Variants in KCNC2 observed in about 807,000 individuals in gnomAD.
KCNC2 encodes voltage-gated potassium channel KCNC2.
KCNC2 carries 21 observed loss-of-function variants against 44.5 expected under a neutral mutation model. The ratio of observed to expected loss-of-function variants is 0.47; its 90% confidence interval spans 0.33 to 0.68. KCNC2 has a LOEUF of 0.68. Among genes scored for constraint, KCNC2 ranks in the 30% least tolerant of loss-of-function variants. The probability of loss-of-function intolerance (pLI) is 0.01; values close to 1 mark genes in which losing one functional copy is unlikely to be tolerated. For missense variants in KCNC2, 589 were observed against 826.2 expected, an observed-to-expected ratio of 0.71 and a Z score of 3.52; for synonymous variants, 391 against 339.1, an observed-to-expected ratio of 1.15 and a Z score of -1.68.
At chr12:75,056,476 T>G (rs1881758578) in intron 2 of KCNC2, among the ~76,000 whole-genome samples, 1 of 151,956 alleles carries the variant, frequency 6.6e-6, no homozygotes, top group African/African-American at 2.4e-5. Flanking sequence ...GTTGCATTAT[T>G]TTTAGTTTGT....
intron 2 of KCNC2, among the ~76,000 whole-genome samples, chr12:75,123,517 A>G (rs1888188462): frequency 6.6e-6 from 1 of 152,188 alleles, no homozygotes; most frequent in Non-Finnish European, 1.5e-5. Context: ...GCCCTATGTT[A>G]TCTTCCCTAA....
chr12:75,099,945 T>C (rs1886241069), intron 2 of KCNC2, among the ~76,000 whole-genome samples: 1 of 152,056 alleles, frequency 6.6e-6, no homozygotes, highest in South Asian at 2.1e-4. Flanking sequence ...AAACACTTGA[T>C]TAGACTAAAT....
At chr12:75,067,416 T>C (rs962359087) in intron 2 of KCNC2, among the ~76,000 whole-genome samples, 2 of 152,166 alleles carry the variant, frequency 1.3e-5, no homozygotes, top group Non-Finnish European at 2.9e-5. Flanking sequence ...TCATTGTACA[T>C]ATATTCAACC....
intron 2 of KCNC2, among the ~76,000 whole-genome samples, chr12:75,089,442 T>G (rs1033563676): frequency 6.6e-6 from 1 of 151,886 alleles, no homozygotes; most frequent in African/African-American, 2.4e-5. Context: ...ATTGGGCTCT[T>G]CTTTGAAAGA....
chr12:75,097,729 A>G (rs1357554408), intron 2 of KCNC2, among the ~76,000 whole-genome samples: 1 of 152,170 alleles, frequency 6.6e-6, no homozygotes, highest in Non-Finnish European at 1.5e-5. Context: ...AAGGACTTTG[A>G]AGACAGATAG....
chr12:75,197,081 G>T (rs2030834394), intron 2 of KCNC2, among the ~76,000 whole-genome samples: 1 of 152,046 alleles, frequency 6.6e-6, no homozygotes, highest in African/African-American at 2.4e-5. Context: ...GATCTCTGGG[G>T]TGAGACCTGA....
chr12:75,196,810 T>G (rs922691073), intron 2 of KCNC2, among the ~76,000 whole-genome samples: 3 of 151,986 alleles, frequency 2.0e-5, no homozygotes, highest in African/African-American at 7.2e-5. Context: ...AAAACAACTA[T>G]ATAACTTTAT....
intron 2 of KCNC2, among the ~76,000 whole-genome samples, chr12:75,126,865 G>A (rs1305235764): frequency 1.3e-5 from 2 of 152,050 alleles, no homozygotes; most frequent in Non-Finnish European, 1.5e-5. Flanking sequence ...GACTTCCTAG[G>A]GTTCTTAAAT....
chr12:75,146,452 T>G (rs1890034678), intron 2 of KCNC2, among the ~76,000 whole-genome samples: 1 of 152,232 alleles, frequency 6.6e-6, no homozygotes, highest in Non-Finnish European at 1.5e-5. Flanking sequence ...GATTTTGAGA[T>G]GTATACATGT....
chr12:75,182,824 C>T (rs1298351409), intron 2 of KCNC2, among the ~76,000 whole-genome samples: 1 of 152,192 alleles, frequency 6.6e-6, no homozygotes, highest in Non-Finnish European at 1.5e-5. Context: ...AACAGCCTCA[C>T]CTCACTTCAG....
chr12:75,105,031 G>A (rs1196111634), intron 2 of KCNC2, among the ~76,000 whole-genome samples: 3 of 152,102 alleles, frequency 2.0e-5, no homozygotes, highest in Non-Finnish European at 2.9e-5. Context: ...CCCTCAGAGA[G>A]GTTTTATTCT....
intron 2 of KCNC2, among the ~76,000 whole-genome samples, chr12:75,130,787 A>C (rs919857979): frequency 2.0e-5 from 3 of 151,314 alleles, no homozygotes; most frequent in South Asian, 2.1e-4. Flanking sequence ...GTAATAAAAA[A>C]AAAAAAAAAC....
At chr12:75,163,339 G>T (rs79929384) in intron 2 of KCNC2, among the ~76,000 whole-genome samples, 194 of 151,808 alleles carry the variant, frequency 1.3e-3, no homozygotes, top group African/African-American at 4.5e-3. Flanking sequence ...GGTAAAAGAG[G>T]TATTATTGTG....
At chr12:75,084,320 A>ATAGG (rs1232067621) in intron 2 of KCNC2, among the ~76,000 whole-genome samples, 1 of 151,760 alleles carries the variant, frequency 6.6e-6, no homozygotes, top group African/African-American at 2.4e-5. Flanking sequence ...AGATAGATAG[A>ATAGG]TAGATAGATA....
At chr12:75,127,737 G>C (rs1888537447) in intron 2 of KCNC2, among the ~76,000 whole-genome samples, 2 of 152,086 alleles carry the variant, frequency 1.3e-5, no homozygotes. Flanking sequence ...ACATAGTGGA[G>C]ACTTTTCTCC....
chr12:75,171,405 A>G (rs1022905464), intron 2 of KCNC2, among the ~76,000 whole-genome samples: 2 of 151,868 alleles, frequency 1.3e-5, no homozygotes, highest in Non-Finnish European at 2.9e-5. Context: ...GCTATCTTAG[A>G]AATCTGCCTA....
At chr12:75,150,560 C>T (rs1341961156) in intron 2 of KCNC2, among the ~76,000 whole-genome samples, 1 of 151,896 alleles carries the variant, frequency 6.6e-6, no homozygotes, top group Admixed American at 6.6e-5. Flanking sequence ...TTCCTATAAG[C>T]ACCATCAATA....
chr12:75,120,435 C>T (rs1396046976), intron 2 of KCNC2, among the ~76,000 whole-genome samples: 1 of 152,190 alleles, frequency 6.6e-6, no homozygotes, highest in Non-Finnish European at 1.5e-5. Flanking sequence ...TGGTATTGCA[C>T]ATAGCAGCAT....
chr12:75,085,706 G>T (rs1208263706), intron 2 of KCNC2, among the ~76,000 whole-genome samples: 2 of 151,980 alleles, frequency 1.3e-5, no homozygotes, highest in Non-Finnish European at 2.9e-5. Flanking sequence ...ATGCTCTAGG[G>T]TGTTGTTGGC....
Sources: allele counts gnomAD v4.1 joint callset (sites outside exome capture counted in the v4.1 genomes callset), GRCh38; gene constraint gnomAD v4.1.1; transcripts MANE v1.5; gene names NCBI Gene and HGNC (gene_info 2026-07-23, HGNC 2026-07-21).